The following NCOR1 variants were observed in gnomAD, a reference collection of about 807,000 sequenced individuals.
NCOR1 encodes the protein protein phosphatase 1, regulatory subunit 109.
In NCOR1, 63 loss-of-function variants were observed where a neutral mutation model predicts 288.1. That is an observed-to-expected ratio of 0.22 (90% CI 0.18 to 0.27). The LOEUF is 0.27. NCOR1 is among the 10% of genes least tolerant of loss of function. The pLI is 1.00. For missense variants in NCOR1, 2,397 were observed against 3,019.2 expected, an observed-to-expected ratio of 0.79 and a Z score of 4.83; for synonymous variants, 1,007 against 1,065.9, an observed-to-expected ratio of 0.94 and a Z score of 1.08.
rs768082235 is a variant in NCOR1 at position 16,062,199 on chromosome 17, C to T, written c.5293G>A (p.Glu1765Lys). 6.2e-7 allele frequency: 1 copy of T among 1,614,030 alleles called. No individual in the cohort carries two copies. Among genetic ancestry groups the T allele is most frequent in the South Asian group, 1.1e-5 (1 of 91,036 alleles). ...CTGGGTCTCTGTTGCAACATGGTCT[C>T]CTGAGTTCTTACTGAAGGGGAAGGG... is the stretch of plus-strand genomic sequence containing the variant. Reference protein sequence around the residue: ...RSPSPSVRTQETMLQQRPSVF... With the variant: ...RSPSPSVRTQKTMLQQRPSVF... Residue 1765 changes from glutamate (E) to lysine (K), a missense_variant, in exon 36 of 46, where the codon GAG (glutamate) becomes AAG (lysine). Coordinates refer to ENST00000268712, the MANE Select transcript of NCOR1 (RefSeq NM_006311.4).
At chr17:16,166,160 T>C (rs965257707) in intron 4 of NCOR1, among the ~76,000 whole-genome samples, 21 of 152,226 alleles carry the variant, frequency 1.4e-4, no homozygotes, top group African/African-American at 5.1e-4. Context: ...TCTGGGAAAA[T>C]AAGATTATGG....
rs1004892896 is a variant in NCOR1 at position 16,058,542 on chromosome 17, C to T, written c.5939G>A (p.Ser1980Asn). ...TTTCTCCTGGGGTGGCGCAGGTGAG[C>T]TGGCAGGACTTATCACCTCAATAGC... is the stretch of plus-strand genomic sequence containing the variant. ...SDAIEVISPA[S>N]SPAPPQEKLQ... The change falls in exon 38 of 46, where the codon AGC becomes AAC. Residue 1980 changes from serine (S) to asparagine (N), a missense_variant. By Grantham distance (46) the Ser-to-Asn change is conservative. Transcript: ENST00000268712. The T allele has an allele frequency of 2.4e-5, 38 of 1,613,784 alleles. 1 individual carries two copies. In the Admixed American group the frequency reaches 6.3e-4, roughly 27 times the overall value.
intron 18 of NCOR1, among the ~76,000 whole-genome samples, chr17:16,114,876 C>T (rs2071233671): frequency 6.6e-6 from 1 of 152,184 alleles, no homozygotes; most frequent in African/African-American, 2.4e-5. Context: ...ATCTACCATT[C>T]TGGAGGATGG....
Position 16,126,128 on chromosome 17 carries a change from CTTCTTTTTT to C in NCOR1, c.1579_1587del (p.Lys527_Glu529del). On this transcript the variant is annotated inframe_deletion, in exon 15 of 46. Coordinates refer to ENST00000268712, the MANE Select transcript of NCOR1 (RefSeq NM_006311.4). The stretch of plus-strand genomic sequence containing the variant: ...TTTTCCTCTTCATCTTTCTTTTCTT[CTTCTTTTTT>C]TTCTGTTTTTTCTGCTTTATCCTCT... 6.5e-7 allele frequency: 1 copy of C among 1,527,634 alleles called. No individual in the cohort carries two copies. The highest frequency in any genetic ancestry group is 1.2e-5 in the South Asian group (1 of 80,632). The allele number at this position is 1,527,634 out of a possible 1,614,324, so 94.6% of individuals were successfully genotyped here.
At position 16,061,447 on chromosome 17, in the gene NCOR1, C is replaced by G. The variant is rs2060541822; in HGVS notation, c.5835G>C (p.Lys1945Asn). 1.9e-6 allele frequency: 3 copies of G among 1,614,086 alleles called. No individual in the cohort carries two copies. The highest frequency in any genetic ancestry group is 2.7e-5 in the African/African-American group (2 of 74,938). ...TTTGAGAGCCACGTTCCCTCGCATC[C>G]TTGTCCGAGGCAATTTGCCGGGTGA... ...VIITRQIASD[K>N]DARERGSQSS... is the part of the protein sequence containing the mutation. Residue 1945 changes from lysine (K) to asparagine (N), a missense_variant, in exon 37 of 46, where the codon AAG becomes AAC. By Grantham distance (94) the Lys-to-Asn change is moderately conservative. Transcript: ENST00000268712.
intron 1 of NCOR1, among the ~76,000 whole-genome samples, chr17:16,204,186 A>T (rs1286029236): frequency 2.0e-5 from 3 of 152,216 alleles, no homozygotes; most frequent in African/African-American, 7.2e-5. Flanking sequence ...ATAGTCCCAA[A>T]CACATTTAGT....
chr17:16,167,464 AT>A (rs929955574), intron 4 of NCOR1, among the ~76,000 whole-genome samples: 13 of 152,092 alleles, frequency 8.5e-5, no homozygotes, highest in Admixed American at 4.6e-4. Context: ...TTAAAAAAAA[AT>A]AATAATAAAG....
At chr17:16,185,221 A>C (rs1018180599) in intron 3 of NCOR1, among the ~76,000 whole-genome samples, 3 of 152,126 alleles carry the variant, frequency 2.0e-5, no homozygotes, top group Non-Finnish European at 4.4e-5. Context: ...ATGATAAATG[A>C]GTAGATTTTA....
chr17:16,105,078 G>A (rs1038302939), intron 19 of NCOR1, among the ~76,000 whole-genome samples: 2 of 152,162 alleles, frequency 1.3e-5, no homozygotes, highest in Admixed American at 6.5e-5. Context: ...AGGTACAAAG[G>A]TCAGTTCATG....
At chr17:16,064,800 T>C (rs2060937489) in intron 34 of NCOR1, 70 bp downstream of exon 34, 2 of 1,415,506 alleles carry the variant, frequency 1.4e-6, no homozygotes, top group Non-Finnish European at 1.9e-6. Context: ...CAAGATACCT[T>C]AAAAGGCTAT....
intron 15 of NCOR1, 26 bp downstream of exon 15, chr17:16,126,053 CTTA>C (rs2073987415): frequency 9.7e-7 from 1 of 1,031,212 alleles, no homozygotes; most frequent in Admixed American, 3.0e-5. Context: ...AAACATTTAA[CTTA>C]TTATATAACT....
rs115708449 is a variant in NCOR1 at position 16,031,778 on chromosome 17, A to G, written c.*518T>C. 1,896 of 230,854 alleles carry G rather than the reference A, an allele frequency of 8.2e-3. 36 individuals are homozygous for G. Among genetic ancestry groups the G allele is most frequent in the African/African-American group, 0.038 (1,730 of 45,324 alleles). 14.3% of individuals were successfully genotyped at this position (230,854 alleles called of 1,614,324 possible). ...AATTTAGAGGAAACAATATCAGATA[A>G]AAGTACAATGCCCGTGACAGCCAAC... On this transcript the variant is annotated 3_prime_UTR_variant, in exon 46 of 46. Coordinates refer to ENST00000268712, the MANE Select transcript of NCOR1 (RefSeq NM_006311.4).
intron 4 of NCOR1, among the ~76,000 whole-genome samples, chr17:16,166,097 A>C (rs1032420528): frequency 3.3e-5 from 5 of 152,334 alleles, no homozygotes; most frequent in South Asian, 2.1e-4. Context: ...GCTAATATAC[A>C]CTGATGAAAA....
At chr17:16,038,831 T>C (rs8081406) in intron 44 of NCOR1, among the ~76,000 whole-genome samples, 86,844 of 152,030 alleles carry the variant, frequency 0.57, 25,327 homozygotes, top group African/African-American at 0.64. Flanking sequence ...AGTGCAGTGG[T>C]GTGATCTCAG....
intron 26 of NCOR1, 94 bp downstream of exon 26, chr17:16,079,870 T>C (rs906309384): frequency 9.6e-7 from 1 of 1,040,536 alleles, no homozygotes; most frequent in Non-Finnish European, 1.5e-6. Flanking sequence ...TGCAGAAAAA[T>C]GAACTTAAGC....
chr17:16,135,158 C>CAAA (rs577308243), intron 14 of NCOR1, among the ~76,000 whole-genome samples: 53 of 35,794 alleles, frequency 1.5e-3, no homozygotes, highest in Middle Eastern at 0.026. Context: ...GACTCCATCT[C>CAAA]AAAAAAAAAA....
intron 1 of NCOR1, among the ~76,000 whole-genome samples, chr17:16,199,331 G>A (rs1318364213): frequency 4.6e-5 from 7 of 151,984 alleles, no homozygotes; most frequent in African/African-American, 1.7e-4. Flanking sequence ...ACTGCAGCCT[G>A]GAGACCACGA....
chr17:16,164,552 C>T (rs2081605376), intron 5 of NCOR1, among the ~76,000 whole-genome samples: 1 of 151,960 alleles, frequency 6.6e-6, no homozygotes, highest in East Asian at 1.9e-4. Flanking sequence ...AAAATGTGCA[C>T]AAACCGGTAC....
At chr17:16,038,542 T>A (rs556019710) in intron 44 of NCOR1, among the ~76,000 whole-genome samples, 1 of 152,024 alleles carries the variant, frequency 6.6e-6, no homozygotes, top group South Asian at 2.1e-4. Context: ...GCTCAAGTGA[T>A]CTTCCCACCT....
Sources: gnomAD v4.1 joint callset for allele counts (sites outside exome capture counted in the v4.1 genomes callset) on GRCh38, gnomAD v4.1.1 for gene constraint, MANE v1.5 for transcripts, NCBI Gene and HGNC (gene_info 2026-07-23, HGNC 2026-07-21) for gene names.